PKHD1: variants seen among roughly 807,000 people sequenced by gnomAD.
PKHD1 encodes the protein PKHD1 ciliary IPT domain containing fibrocystin/polyductin.
Under a neutral mutation model 412.0 loss-of-function variants are expected in PKHD1, and 291 were observed. The ratio of observed to expected loss-of-function variants is 0.71; its 90% CI spans 0.64 to 0.78. The LOEUF is 0.78. Among genes scored for constraint, PKHD1 ranks in the 30% least tolerant of loss-of-function variants. The pLI is 0.00. For synonymous variants in PKHD1, 1,777 were observed against 1,821.5 expected (o/e 0.98, Z 0.62); for missense variants, 4,825 against 4,950.7 (o/e 0.97, Z 0.76).
intron 60 of PKHD1, among the ~76,000 whole-genome samples, chr6:51,673,715 G>C (rs574612485): frequency 1.7e-4 from 26 of 152,230 alleles, no homozygotes; most frequent in South Asian, 8.3e-4. Flanking sequence ...AGGGGCAGGG[G>C]TTTTATTAAG....
intron 52 of PKHD1, among the ~76,000 whole-genome samples, chr6:51,828,064 T>C (rs1026262051): frequency 6.6e-6 from 1 of 152,170 alleles, no homozygotes; most frequent in Non-Finnish European, 1.5e-5. Flanking sequence ...AATAGTTTTT[T>C]ATTTTATTTT....
At chr6:51,653,505 C>G (rs541810831) in intron 61 of PKHD1, among the ~76,000 whole-genome samples, 5 of 152,228 alleles carry the variant, frequency 3.3e-5, no homozygotes, top group South Asian at 4.2e-4. Context: ...AAAACTACCA[C>G]TCATCTTTGC....
Position 52,085,015 on chromosome 6 carries a change from G to C in PKHD1, c.-82C>G. 1.0e-6 allele frequency: 1 copy of C among 962,464 alleles called. No individual in the cohort carries two copies. Among genetic ancestry groups the C allele is most frequent in the Non-Finnish European group, 1.7e-6 (1 of 590,416 alleles). The allele number at this position is 962,464 out of a possible 1,614,324, so 59.6% of individuals were successfully genotyped here. A position where few individuals can be genotyped will look rare whatever the true frequency, so the allele number is the denominator to read the frequency against. ...TTTTGATTGGAGCAGCATAGCTTTT[G>C]TGCTTTATAAAAACAAAAAAAGCAA... On this transcript the variant is annotated splice_region_variant and 5_prime_UTR_variant, in exon 2 of 67. Transcript: ENST00000371117.
chr6:51,747,753 A>T (rs1476630927), intron 58 of PKHD1, 34 bp downstream of exon 58: 1 of 1,584,854 alleles, frequency 6.3e-7, no homozygotes, highest in Admixed American at 1.7e-5. Context: ...GGATGTATGA[A>T]ATGGCACTGC....
At chr6:51,750,237 G>C (rs1785870185) in intron 57 of PKHD1, among the ~76,000 whole-genome samples, 1 of 152,156 alleles carries the variant, frequency 6.6e-6, no homozygotes. Flanking sequence ...GGCATTCGTA[G>C]ATGGTGTGGA....
intron 35 of PKHD1, among the ~76,000 whole-genome samples, chr6:52,008,069 C>G (rs1799319251): frequency 6.6e-6 from 1 of 152,196 alleles, no homozygotes; most frequent in Non-Finnish European, 1.5e-5. Flanking sequence ...CACATCACAT[C>G]TGAAACCTAC....
intron 34 of PKHD1, among the ~76,000 whole-genome samples, chr6:52,014,682 TGGATGAATATA>T (rs1800256096): frequency 6.9e-6 from 1 of 145,876 alleles, no homozygotes. Context: ...GATGGATGGA[TGGATGAATATA>T]CTGGATAGAT....
intron 49 of PKHD1, among the ~76,000 whole-genome samples, chr6:51,851,639 G>C (rs1161112502): frequency 6.6e-6 from 1 of 152,158 alleles, no homozygotes; most frequent in Non-Finnish European, 1.5e-5. Flanking sequence ...AGTCTTGGTA[G>C]GGTGTATGCA....
intron 36 of PKHD1, among the ~76,000 whole-genome samples, chr6:51,957,619 G>A (rs1036496794): frequency 1.3e-5 from 2 of 152,064 alleles, no homozygotes; most frequent in Non-Finnish European, 2.9e-5. Flanking sequence ...TTCACTGATG[G>A]GGTGGTCATA....
chr6:51,638,662 T>A (rs1367735483), intron 64 of PKHD1, among the ~76,000 whole-genome samples, 187 bp downstream of exon 64: 2 of 152,156 alleles, frequency 1.3e-5, no homozygotes, highest in South Asian at 2.1e-4. Flanking sequence ...AGGAGTAACC[T>A]GAGGTTTCCA....
At chr6:51,773,363 T>C (rs41412044) in intron 54 of PKHD1, among the ~76,000 whole-genome samples, 27,972 of 151,808 alleles carry the variant, frequency 0.18, 3,383 homozygotes, top group African/African-American at 0.34. Context: ...TTGATACAGC[T>C]CAGTTTTATT....
intron 60 of PKHD1, among the ~76,000 whole-genome samples, chr6:51,674,773 G>T (rs569501437): frequency 4.6e-5 from 7 of 152,180 alleles, no homozygotes; most frequent in Admixed American, 3.3e-4. Context: ...AGTGTTTGAC[G>T]ATTTGTCAAA....
At chr6:51,960,176 CA>C (rs1791797307) in intron 35 of PKHD1, 150 bp from the exon 36 acceptor site, 1 of 729,474 alleles carries the variant, frequency 1.4e-6, no homozygotes, top group African/African-American at 1.8e-5. Flanking sequence ...AGAAACTTCT[CA>C]AAGAAAGTAA....
intron 35 of PKHD1, among the ~76,000 whole-genome samples, chr6:51,967,383 A>G (rs1333942984): frequency 6.6e-6 from 1 of 152,176 alleles, no homozygotes; most frequent in Non-Finnish European, 1.5e-5. Context: ...TACTATCAGT[A>G]TAGTACCTAT....
At chr6:51,778,185 G>C (rs1453201791) in intron 53 of PKHD1, among the ~76,000 whole-genome samples, 1 of 152,062 alleles carries the variant, frequency 6.6e-6, no homozygotes, top group Non-Finnish European at 1.5e-5. Flanking sequence ...AATGAGGGTA[G>C]CCACCTCTGA....
In PKHD1 at chr6:51,796,817, AT is replaced by A. The variant is rs35774390; in HGVS notation, c.8303-5445del. 3.3e-3 allele frequency among the ~76,000 whole-genome samples: 451 copies of A among 136,800 alleles called. 2 individuals carry two copies. The highest frequency in any genetic ancestry group is 5.4e-3 in the African/African-American group (195 of 36,418). 89.7% of individuals were successfully genotyped at this position (136,800 alleles called of 152,430 possible). A position where few individuals can be genotyped will look rare whatever the true frequency, so the allele number is the denominator to read the frequency against. ...CATGGTGTTGTGTGGTTTTGAATAG[AT>A]TTTTTTTTTTTTTTGGAGACAGAGT... On this transcript the variant is annotated intron_variant, in intron 52 of 66. Coordinates refer to ENST00000371117, the MANE Select transcript of PKHD1 (RefSeq NM_138694.4).
At chr6:51,656,198 G>A (rs577294143) in intron 61 of PKHD1, among the ~76,000 whole-genome samples, 8 of 152,130 alleles carry the variant, frequency 5.3e-5, no homozygotes, top group Non-Finnish European at 1.5e-5. Context: ...GCAGAGACAA[G>A]GACAAAGCTG....
At chr6:51,789,665 G>A (rs551815708) in intron 53 of PKHD1, among the ~76,000 whole-genome samples, 1 of 152,240 alleles carries the variant, frequency 6.6e-6, no homozygotes, top group African/African-American at 2.4e-5. Context: ...TGGAAACTTT[G>A]AGTGATCACT....
At chr6:51,811,548 AG>A (rs1189453071) in intron 52 of PKHD1, among the ~76,000 whole-genome samples, 2 of 152,168 alleles carry the variant, frequency 1.3e-5, no homozygotes, top group Non-Finnish European at 2.9e-5. Context: ...GGAACATCTT[AG>A]CATGGCATAT....
Sources: gnomAD v4.1 joint callset for allele counts (sites outside exome capture counted in the v4.1 genomes callset) on GRCh38, gnomAD v4.1.1 for gene constraint, MANE v1.5 for transcripts, NCBI Gene and HGNC (gene_info 2026-07-23, HGNC 2026-07-21) for gene names.